Variants in KCNIP4 observed in about 807,000 individuals in gnomAD.
The protein encoded by KCNIP4 is potassium voltage-gated channel interacting protein 4.
Under a neutral mutation model 34.0 loss-of-function variants are expected in KCNIP4, and 12 were observed. The ratio of observed to expected loss-of-function variants is 0.35; its 90% CI spans 0.23 to 0.57. KCNIP4 has a LOEUF of 0.57. KCNIP4 is among the 20% of genes least tolerant of loss of function. The pLI, the probability that KCNIP4 is intolerant of heterozygous loss-of-function variation, is 0.83. For missense variants in KCNIP4, 238 were observed against 311.7 expected (o/e 0.76, Z 1.78); for synonymous variants, 124 against 102.2 (o/e 1.21, Z -1.29).
intron 1 of KCNIP4, among the ~76,000 whole-genome samples, chr4:20,936,747 T>A (rs1731110136): frequency 6.6e-6 from 1 of 152,156 alleles, no homozygotes; most frequent in African/African-American, 2.4e-5. Context: ...TGCTTCTTGT[T>A]TATTTTTCAA....
At chr4:21,513,577 T>C (rs1443031283) in intron 1 of KCNIP4, among the ~76,000 whole-genome samples, 1 of 152,220 alleles carries the variant, frequency 6.6e-6, no homozygotes, top group Non-Finnish European at 1.5e-5. Flanking sequence ...TATTAAATAA[T>C]CATCAGCATA....
At chr4:21,255,090 C>T (rs192464589) in intron 1 of KCNIP4, among the ~76,000 whole-genome samples, 6 of 152,118 alleles carry the variant, frequency 3.9e-5, no homozygotes, top group African/African-American at 1.4e-4. Flanking sequence ...CCTCTACCCC[C>T]ACCCTGGCTG....
chr4:21,034,047 T>C lies in KCNIP4; in HGVS notation c.62-151338A>G, dbSNP rs145368723. 3.2e-3 allele frequency among the ~76,000 whole-genome samples: 494 copies of C among 152,322 alleles called. 2 individuals carry two copies. Among genetic ancestry groups the C allele is most frequent in the South Asian group, 0.014 (67 of 4,828 alleles). The stretch of plus-strand genomic sequence containing the variant: ...TCTATTTGATTTTCCAAGTAATTAA[T>C]ATTTTAAATATTTGCAAAAAGGGCT... On this transcript the variant is annotated intron_variant, in intron 1 of 8. Coordinates refer to ENST00000382152, the MANE Select transcript of KCNIP4 (RefSeq NM_025221.6).
chr4:21,555,334 A>T (rs1274531667), intron 1 of KCNIP4, among the ~76,000 whole-genome samples: 1 of 152,150 alleles, frequency 6.6e-6, no homozygotes, highest in Non-Finnish European at 1.5e-5. Flanking sequence ...TGAGTTCTGA[A>T]AATCAATAAA....
At chr4:21,864,287 G>A (rs1029099027) in intron 1 of KCNIP4, among the ~76,000 whole-genome samples, 2 of 152,178 alleles carry the variant, frequency 1.3e-5, no homozygotes, top group African/African-American at 4.8e-5. Flanking sequence ...TTATAAGCAA[G>A]GGAAACACAA....
chr4:21,933,052 G>GAAAAAAAAAAAAAAAAAAAGAAAACAAAA (rs35062040), intron 1 of KCNIP4, among the ~76,000 whole-genome samples: 1 of 100,030 alleles, frequency 1.0e-5, no homozygotes, highest in Admixed American at 9.8e-5. Flanking sequence ...AAAGGTAAAC[G>GAAAAAAAAAAAAAAAAAAAGAAAACAAAA]AAAAAAAAAA....
At chr4:21,481,838 G>A (rs1162493631) in intron 1 of KCNIP4, among the ~76,000 whole-genome samples, 1 of 152,102 alleles carries the variant, frequency 6.6e-6, no homozygotes, top group Non-Finnish European at 1.5e-5. Context: ...AAAATAATGT[G>A]AGAAATGTAG....
intron 1 of KCNIP4, among the ~76,000 whole-genome samples, chr4:21,129,639 C>T (rs1054561594): frequency 2.0e-5 from 3 of 152,164 alleles, no homozygotes; most frequent in Non-Finnish European, 4.4e-5. Context: ...AAAGTACTTG[C>T]TTTTAAAATG....
At chr4:21,943,951 T>G (rs1397056676) in intron 1 of KCNIP4, among the ~76,000 whole-genome samples, 1 of 121,832 alleles carries the variant, frequency 8.2e-6, no homozygotes, top group East Asian at 2.1e-4. Context: ...AGAAGGAGAC[T>G]CTTGCTTTTT....
intron 1 of KCNIP4, among the ~76,000 whole-genome samples, chr4:21,501,248 T>TCTCTCACACA (rs764571152): frequency 1.9e-5 from 2 of 104,190 alleles, no homozygotes; most frequent in African/African-American, 6.5e-5. Context: ...TCTCTCTCTC[T>TCTCTCACACA]CACACACACA....
chr4:21,123,606 T>C (rs1045874506), intron 1 of KCNIP4, among the ~76,000 whole-genome samples: 2 of 152,186 alleles, frequency 1.3e-5, no homozygotes, highest in African/African-American at 2.4e-5. Flanking sequence ...AAAATAATGA[T>C]ATAAAACCAT....
At chr4:21,496,829 C>A (rs564248276) in intron 1 of KCNIP4, among the ~76,000 whole-genome samples, 12 of 152,304 alleles carry the variant, frequency 7.9e-5, no homozygotes, top group Non-Finnish European at 1.5e-4. Context: ...GCTGCATTCT[C>A]CTTATAAGAA....
chr4:21,084,553 T>G (rs1456747338), intron 1 of KCNIP4, among the ~76,000 whole-genome samples: 5 of 147,722 alleles, frequency 3.4e-5, no homozygotes, highest in Non-Finnish European at 7.4e-5. Context: ...GTGCCAATCA[T>G]CTAGGATGCA....
At chr4:21,246,760 G>A (rs1760234262) in intron 1 of KCNIP4, among the ~76,000 whole-genome samples, 1 of 151,996 alleles carries the variant, frequency 6.6e-6, no homozygotes, top group East Asian at 1.9e-4. Flanking sequence ...GATTGTAAAA[G>A]TTGAAAAAAT....
chr4:21,089,116 G>C (rs1394023387), intron 1 of KCNIP4, among the ~76,000 whole-genome samples: 1 of 152,156 alleles, frequency 6.6e-6, no homozygotes, highest in Non-Finnish European at 1.5e-5. Context: ...TATCCCCTTT[G>C]TATGGTTTGG....
At chr4:21,422,280 A>G (rs956362352) in intron 1 of KCNIP4, among the ~76,000 whole-genome samples, 11 of 150,744 alleles carry the variant, frequency 7.3e-5, no homozygotes, top group Non-Finnish European at 1.3e-4. Flanking sequence ...GGCTCACTGC[A>G]ACCTCCGCCT....
intron 1 of KCNIP4, among the ~76,000 whole-genome samples, chr4:20,986,958 C>G (rs931865175): frequency 6.6e-6 from 1 of 152,080 alleles, no homozygotes; most frequent in Non-Finnish European, 1.5e-5. Context: ...CTGTGGCTAC[C>G]GGATCGAATC....
intron 1 of KCNIP4, among the ~76,000 whole-genome samples, chr4:21,448,562 T>G (rs1474848169): frequency 6.6e-6 from 1 of 152,042 alleles, no homozygotes; most frequent in African/African-American, 2.4e-5. Flanking sequence ...AAGAAAGAAA[T>G]AAGTTGAGGA....
chr4:21,885,862 T>C (rs963577177), intron 1 of KCNIP4, among the ~76,000 whole-genome samples: 2 of 152,168 alleles, frequency 1.3e-5, no homozygotes, highest in African/African-American at 4.8e-5. Flanking sequence ...TTTGTCCTGA[T>C]TGCCACGAAG....
Sources: allele counts gnomAD v4.1 joint callset (sites outside exome capture counted in the v4.1 genomes callset), GRCh38; gene constraint gnomAD v4.1.1; transcripts MANE v1.5; gene names NCBI Gene and HGNC (gene_info 2026-07-23, HGNC 2026-07-21).